The following CD200 variants were observed in gnomAD, a reference collection of about 807,000 sequenced individuals.
The protein encoded by CD200 is CD200 molecule, also known as OX-2 membrane glycoprotein.
In CD200, 15 loss-of-function variants were observed where a neutral mutation model predicts 30.9. That is an observed-to-expected ratio of 0.49 (90% CI 0.32 to 0.75). CD200 has a LOEUF of 0.75. Ranked by LOEUF, CD200 falls within the 30% of genes least tolerant of loss-of-function variation. The pLI is 0.03. For missense variants in CD200, 262 were observed against 324.2 expected (o/e 0.81, Z 1.47); for synonymous variants, 134 against 126.2 (o/e 1.06, Z -0.41).
intron 1 of CD200, among the ~76,000 whole-genome samples, chr3:112,340,297 A>G (rs189595616): frequency 2.0e-3 from 301 of 152,348 alleles, no homozygotes; most frequent in Non-Finnish European, 3.1e-3. Flanking sequence ...GAATAACATT[A>G]TCTTAAATAC....
intron 1 of CD200, among the ~76,000 whole-genome samples, chr3:112,340,407 G>A (rs766657178): frequency 1.1e-4 from 16 of 152,032 alleles, no homozygotes; most frequent in Non-Finnish European, 2.2e-4. Flanking sequence ...TAAAACATGC[G>A]GTTTATATGT....
upstream of CD200, chr3:112,333,093 G>A (rs967916889): frequency 6.9e-7 from 1 of 1,455,706 alleles, no homozygotes; most frequent in Non-Finnish European, 9.3e-7. Flanking sequence ...AAGGGGGCTA[G>A]CGAGGAGGAA....
At chr3:112,342,330 T>TTCC (rs1559783110) in intron 2 of CD200, among the ~76,000 whole-genome samples, 13 of 40,148 alleles carry the variant, frequency 3.2e-4, no homozygotes, top group Non-Finnish European at 4.5e-4. Context: ...TCTTTCTTTC[T>TTCC]TTCTTTCCTT....
intron 5 of CD200, 121 bp downstream of exon 5, chr3:112,349,940 C>A: frequency 7.4e-7 from 1 of 1,348,066 alleles, no homozygotes. Context: ...TCTGTTGTTT[C>A]CAAAATACAG....
intron 1 of CD200, among the ~76,000 whole-genome samples, chr3:112,334,713 T>G (rs995525812): frequency 1.1e-4 from 16 of 152,078 alleles, no homozygotes; most frequent in African/African-American, 3.9e-4. Flanking sequence ...GTTTTCAGAT[T>G]GGTCGTATTT....
At chr3:112,358,419 G>A (rs1435800393) in intron 5 of CD200, among the ~76,000 whole-genome samples, 2 of 152,204 alleles carry the variant, frequency 1.3e-5, no homozygotes, top group South Asian at 2.1e-4. Context: ...AAAAACGTGC[G>A]TATACTGAAA....
intron 2 of CD200, among the ~76,000 whole-genome samples, chr3:112,343,931 T>C (rs749611553): frequency 2.0e-5 from 3 of 152,200 alleles, no homozygotes; most frequent in Non-Finnish European, 4.4e-5. Context: ...AATTTTTCCT[T>C]AATCCCTTCC....
At chr3:112,337,448 GA>G (rs1198535435) in intron 1 of CD200, among the ~76,000 whole-genome samples, 1 of 152,152 alleles carries the variant, frequency 6.6e-6, no homozygotes, top group Admixed American at 6.5e-5. Context: ...TTTAGAAGTA[GA>G]AAAGGCTAGC....
rs566813711 is a variant in CD200 at position 112,358,428 on chromosome 3, A to AATGAACTTGTGATGCCTAG, written c.803-3098_803-3080dup. Among the ~76,000 whole-genome samples the AATGAACTTGTGATGCCTAG allele has an allele frequency of 6.3e-4, 96 of 152,326 alleles. 1 individual carries two copies. The highest frequency in any genetic ancestry group is 8.5e-4 in the Non-Finnish European group (58 of 68,026). On this transcript the variant is annotated intron_variant, in intron 5 of 5. Coordinates refer to ENST00000315711, the MANE Select transcript of CD200 (RefSeq NM_005944.7). ...CATTCTAAAAACGTGCGTATACTGAAATGAACTTGTGATGCCTAGATGAAC... is the reference window on the plus strand; with the variant it reads ...CATTCTAAAAACGTGCGTATACTGAAATGAACTTGTGATGCCTAGATGAACTTGTGATGCCTAGATGAAC...
chr3:112,342,338 C>CTTCTTTCTTTCTTTCT (rs869284838), intron 2 of CD200, among the ~76,000 whole-genome samples: 3 of 21,934 alleles, frequency 1.4e-4, no homozygotes, highest in Admixed American at 1.0e-3. Flanking sequence ...TCTTTCTTTC[C>CTTCTTTCTTTCTTTCT]TTCTTTCTTT....
At chr3:112,340,790 T>TG (rs1256014787) in intron 1 of CD200, 112 bp from the exon 2 acceptor site, 5 of 697,800 alleles carry the variant, frequency 7.2e-6, no homozygotes, top group Non-Finnish European at 1.2e-5. Flanking sequence ...CAAAATTCTC[T>TG]GGGGGGTAAA....
chr3:112,345,109 ACCAT>A lies in CD200; in HGVS notation c.243_246del (p.Asn81LysfsTer4). The A allele has an allele frequency of 6.2e-7, 1 of 1,614,054 alleles. No homozygotes were observed. The highest frequency in any genetic ancestry group is 1.1e-5 in the South Asian group (1 of 91,072). On this transcript the variant is annotated frameshift_variant, in exon 3 of 6. Coordinates refer to ENST00000315711, the MANE Select transcript of CD200 (RefSeq NM_005944.7). LOFTEE classifies it high-confidence loss of function. ...GAAAACATGGTCACCTTCAGCGAGA[ACCAT>A]GGGGTGGTGATCCAGCCTGCCTATA...
chr3:112,332,911 GA>G (rs71134825), upstream of CD200: 6,635 of 396,528 alleles, frequency 0.017, 30 homozygotes, highest in African/African-American at 0.037. Context: ...CAGGAAAATG[GA>G]AAAAAAAAAA....
At position 112,341,196 on chromosome 3, in the gene CD200, T is replaced by G. The variant is rs78575250; in HGVS notation, c.94+213T>G. 5.3e-3 allele frequency among the ~76,000 whole-genome samples: 805 copies of G among 152,348 alleles called. 14 individuals carry two copies. The highest frequency in any genetic ancestry group is 0.018 in the African/African-American group (760 of 41,574). ...CACACTTTGATATTTAGAAGCCGTT[T>G]CCATAGTAGATGAACCAGACTTATG... On this transcript the variant is annotated intron_variant, in intron 2 of 5. Coordinates refer to ENST00000315711, the MANE Select transcript of CD200 (RefSeq NM_005944.7).
intron 3 of CD200, among the ~76,000 whole-genome samples, chr3:112,346,254 C>T (rs2081389729): frequency 6.6e-6 from 1 of 151,056 alleles, no homozygotes; most frequent in Admixed American, 6.6e-5. Flanking sequence ...TCCTTCCTTT[C>T]CTCCCTCTCT....
In CD200 at chr3:112,340,205, T is replaced by C. The variant is rs185488294; in HGVS notation, c.13-697T>C. ...AGTATGAACATACATACAGACCAAATGAATGGATCCATGGCACTATTGCAG... is the reference window on the plus strand; with the variant it reads ...AGTATGAACATACATACAGACCAAACGAATGGATCCATGGCACTATTGCAG... On this transcript the variant is annotated intron_variant, in intron 1 of 5. Coordinates refer to ENST00000315711, the MANE Select transcript of CD200 (RefSeq NM_005944.7). Among the ~76,000 whole-genome samples the C allele has an allele frequency of 7.7e-4, 117 of 152,282 alleles. 1 individual carries two copies. The highest frequency in any genetic ancestry group is 2.6e-3 in the African/African-American group (108 of 41,554).
intron 2 of CD200, among the ~76,000 whole-genome samples, chr3:112,343,200 G>C (rs2081307739): frequency 6.7e-6 from 1 of 148,198 alleles, no homozygotes; most frequent in Non-Finnish European, 1.5e-5. Flanking sequence ...CACACAGAGA[G>C]AGAGATCTAC....
chr3:112,344,172 T>C (rs1205128827), intron 2 of CD200, among the ~76,000 whole-genome samples: 1 of 152,254 alleles, frequency 6.6e-6, no homozygotes, highest in African/African-American at 2.4e-5. Flanking sequence ...TGTCTTATGA[T>C]ATCTTTATTC....
At chr3:112,341,989 A>T (rs1049284178) in intron 2 of CD200, among the ~76,000 whole-genome samples, 3 of 152,036 alleles carry the variant, frequency 2.0e-5, no homozygotes, top group Non-Finnish European at 4.4e-5. Context: ...CCCATCTTTC[A>T]TTCCCTGATA....
Sources: allele counts gnomAD v4.1 joint callset (sites outside exome capture counted in the v4.1 genomes callset), GRCh38; gene constraint gnomAD v4.1.1; transcripts MANE v1.5; gene names NCBI Gene and HGNC (gene_info 2026-07-23, HGNC 2026-07-21).